Variants in ARID1B observed in about 807,000 individuals in gnomAD.
ARID1B encodes AT-rich interactive domain-containing protein 1B.
A neutral mutation model predicts 212.3 loss-of-function variants in ARID1B; 30 were observed. That is an observed-to-expected ratio of 0.14 (90% CI 0.11 to 0.19). The LOEUF is 0.19. ARID1B is among the 10% of genes least tolerant of loss of function. ARID1B has a pLI of 1.00. For synonymous variants in ARID1B, 1,402 were observed against 1,301.7 expected (o/e 1.08, Z -1.66); for missense variants, 2,891 against 3,204.0 (o/e 0.90, Z 2.36).
At chr6:157,129,210 G>T (rs1395347266) in intron 6 of ARID1B, among the ~76,000 whole-genome samples, 1 of 152,216 alleles carries the variant, frequency 6.6e-6, no homozygotes, top group Non-Finnish European at 1.5e-5. Flanking sequence ...CAGGATCCGG[G>T]ACTGTGGCTC....
intron 4 of ARID1B, among the ~76,000 whole-genome samples, chr6:156,961,653 G>A (rs1446412475): frequency 3.3e-5 from 5 of 152,206 alleles, no homozygotes; most frequent in African/African-American, 4.8e-5. Context: ...CAGAAGGGCA[G>A]GGTCGCTGTG....
intron 2 of ARID1B, among the ~76,000 whole-genome samples, chr6:156,843,348 G>A (rs987394964): frequency 6.6e-6 from 1 of 152,136 alleles, no homozygotes; most frequent in Non-Finnish European, 1.5e-5. Context: ...AACAGTTCAT[G>A]CTGTAAGTTA....
intron 5 of ARID1B, among the ~76,000 whole-genome samples, chr6:157,087,557 G>A (rs935692157): frequency 3.3e-5 from 5 of 152,172 alleles, no homozygotes; most frequent in African/African-American, 9.7e-5. Context: ...ACGATGTTAC[G>A]TTCACCATTA....
At chr6:157,029,247 C>T (rs1426244353) in intron 4 of ARID1B, among the ~76,000 whole-genome samples, 1 of 152,138 alleles carries the variant, frequency 6.6e-6, no homozygotes, top group African/African-American at 2.4e-5. Context: ...CATGTATCAC[C>T]AACCACACAT....
At chr6:157,032,064 C>T (rs1562563731) in intron 4 of ARID1B, among the ~76,000 whole-genome samples, 2 of 152,054 alleles carry the variant, frequency 1.3e-5, no homozygotes, top group South Asian at 2.1e-4. Flanking sequence ...GCCAAAGTGC[C>T]GGGATTACAG....
rs774661225 is a variant in ARID1B, at chr6:157,184,353, C to T, written c.3837C>T (p.Ile1279=). ...ACCTGTTTGCCTTTGAGTGCAAGAT[C>T]GAACGTGGGGAGGAGCCCCCGCCGG... ...IQYLFAFECK[I]ERGEEPPPEV... is the part of the protein sequence containing the mutation. The change falls in exon 13 of 20, where the codon ATC becomes ATT. Residue 1279 remains isoleucine, a synonymous_variant. Transcript: ENST00000636930. 1.1e-5 allele frequency: 17 copies of T among 1,614,054 alleles called. No individual in the cohort carries two copies. The highest frequency in any genetic ancestry group is 8.0e-5 in the African/African-American group (6 of 74,906).
chr6:156,965,577 T>A (rs1794686866), intron 4 of ARID1B, among the ~76,000 whole-genome samples: 1 of 152,210 alleles, frequency 6.6e-6, no homozygotes, highest in South Asian at 2.1e-4. Flanking sequence ...ACATATTAAG[T>A]TTCAAATAAA....
intron 2 of ARID1B, among the ~76,000 whole-genome samples, chr6:156,886,726 C>T (rs879928614): frequency 3.3e-5 from 5 of 152,156 alleles, no homozygotes; most frequent in Admixed American, 2.6e-4. Flanking sequence ...TTTCCAGTTC[C>T]GGAAGTGTAT....
chr6:156,809,655 C>T (rs1032649364), intron 1 of ARID1B, among the ~76,000 whole-genome samples: 1 of 147,434 alleles, frequency 6.8e-6, no homozygotes, highest in African/African-American at 2.5e-5. Flanking sequence ...GTGGGCAGAC[C>T]TGAGGCTCCT....
At chr6:157,160,898 C>T (rs1401551890) in intron 8 of ARID1B, among the ~76,000 whole-genome samples, 3 of 152,162 alleles carry the variant, frequency 2.0e-5, no homozygotes, top group Admixed American at 6.5e-5. Context: ...TTCCTGTGCT[C>T]GCCTTCCTGT....
rs1200971606 is a variant in ARID1B, at chr6:156,926,075, C to G, written c.2137-9391C>G. 5.9e-5 allele frequency among the ~76,000 whole-genome samples: 9 copies of G among 152,292 alleles called. No homozygotes were observed. In the South Asian group the frequency reaches 1.9e-3, roughly 32 times the overall value. On this transcript the variant is annotated intron_variant, in intron 3 of 19. Coordinates refer to ENST00000636930, the MANE Select transcript of ARID1B (RefSeq NM_001374828.1). ...CAAGGTCCTTAGAAGAGATCTGTGGCTGCATAAGGCTTCTTGGAGCTGGTG... is the reference window on the plus strand; with the variant it reads ...CAAGGTCCTTAGAAGAGATCTGTGGGTGCATAAGGCTTCTTGGAGCTGGTG...
chr6:157,065,358 T>C (rs1783607069), intron 4 of ARID1B, among the ~76,000 whole-genome samples: 1 of 152,248 alleles, frequency 6.6e-6, no homozygotes, highest in East Asian at 1.9e-4. Context: ...TCGGGATATA[T>C]CATTCCATAT....
intron 4 of ARID1B, among the ~76,000 whole-genome samples, chr6:157,064,729 G>A (rs191667246): frequency 1.2e-4 from 19 of 152,170 alleles, no homozygotes; most frequent in Admixed American, 2.0e-4. Flanking sequence ...TTAGAGCTTC[G>A]GCCCTGGTGG....
At chr6:156,807,908 G>A (rs59331601) in intron 1 of ARID1B, among the ~76,000 whole-genome samples, 6,352 of 152,216 alleles carry the variant, frequency 0.042, 474 homozygotes, top group African/African-American at 0.15. Flanking sequence ...GGATTTGCCC[G>A]GAAGGATCAG....
intron 2 of ARID1B, among the ~76,000 whole-genome samples, chr6:156,873,032 C>T (rs1786272648): frequency 1.4e-5 from 2 of 144,908 alleles, no homozygotes; most frequent in South Asian, 2.1e-4. Flanking sequence ...TGTCGGACAG[C>T]GAGGCAGTGA....
At chr6:157,161,869 G>A (rs989230678) in intron 8 of ARID1B, among the ~76,000 whole-genome samples, 2 of 152,210 alleles carry the variant, frequency 1.3e-5, no homozygotes, top group African/African-American at 4.8e-5. Flanking sequence ...TACAGTGACA[G>A]TCCGTATAGA....
At chr6:156,892,060 C>T (rs77608980) in intron 2 of ARID1B, among the ~76,000 whole-genome samples, 8,227 of 61,504 alleles carry the variant, frequency 0.13, 195 homozygotes, top group Middle Eastern at 0.19. Flanking sequence ...TTTTTTTTTT[C>T]TTTTTTTTTT....
intron 8 of ARID1B, among the ~76,000 whole-genome samples, chr6:157,161,431 G>GTGTGTGTGTGTGTGTGTGTATATATA (rs540423195): frequency 7.2e-6 from 1 of 139,380 alleles, no homozygotes; most frequent in African/African-American, 2.8e-5. Flanking sequence ...TTGTGTGTGT[G>GTGTGTGTGTGTGTGTGTGTATATATA]TATATATATA....
At chr6:157,045,477 T>TC (rs921466869) in intron 4 of ARID1B, among the ~76,000 whole-genome samples, 3 of 152,184 alleles carry the variant, frequency 2.0e-5, no homozygotes, top group Non-Finnish European at 2.9e-5. Context: ...ACCTTTTTTT[T>TC]CTTCTGTGAG....
Sources: allele counts gnomAD v4.1 joint callset (sites outside exome capture counted in the v4.1 genomes callset), GRCh38; gene constraint gnomAD v4.1.1; transcripts MANE v1.5; gene names NCBI Gene and HGNC (gene_info 2026-07-23, HGNC 2026-07-21).